Variants in WASF3 observed in about 807,000 individuals in gnomAD.
WASF3 encodes WASP family member 3, also known as actin-binding protein WASF3.
In WASF3, 11 loss-of-function variants were observed where a neutral mutation model predicts 46.6. The ratio of observed to expected loss-of-function variants is 0.24; its 90% CI spans 0.15 to 0.39. The LOEUF (loss-of-function observed/expected upper bound fraction) is 0.39, where lower values mean the gene tolerates loss of function less well. WASF3 is among the 10% of genes least tolerant of loss of function. WASF3 has a pLI of 1.00. For synonymous variants in WASF3, 242 were observed against 259.7 expected, an observed-to-expected ratio of 0.93 and a Z score of 0.65; for missense variants, 576 against 669.8, an observed-to-expected ratio of 0.86 and a Z score of 1.55.
chr13:26,584,491 C>T (rs540375689), intron 1 of WASF3, among the ~76,000 whole-genome samples: 56 of 152,238 alleles, frequency 3.7e-4, no homozygotes, highest in African/African-American at 1.3e-3. Flanking sequence ...TATTGGTAAA[C>T]GCACTGCACT....
chr13:26,650,627 A>G (rs941537303), intron 3 of WASF3, among the ~76,000 whole-genome samples: 4 of 152,228 alleles, frequency 2.6e-5, no homozygotes, highest in Non-Finnish European at 4.4e-5. Context: ...AGAAAAATAT[A>G]TTGAATGTAC....
intron 6 of WASF3, 24 bp from the exon 7 acceptor site, chr13:26,676,525 T>G (rs1376705593): frequency 1.9e-6 from 3 of 1,610,168 alleles, no homozygotes; most frequent in Non-Finnish European, 2.5e-6. Context: ...CTTGGCATGC[T>G]CTCTTTCCTT....
chr13:26,665,988 A>G (rs918872964), intron 4 of WASF3, among the ~76,000 whole-genome samples: 12 of 152,188 alleles, frequency 7.9e-5, no homozygotes, highest in African/African-American at 2.7e-4. Flanking sequence ...TGCTATATCT[A>G]TAGAGTAGTA....
At chr13:26,685,599 A>T in intron 9 of WASF3, 89 bp from the exon 10 acceptor site, 4 of 1,505,480 alleles carry the variant, frequency 2.7e-6, no homozygotes, top group Non-Finnish European at 3.6e-6. Flanking sequence ...GTCAGTAGAA[A>T]AAAAAGTCCA....
At chr13:26,653,530 C>G (rs1882378908) in intron 3 of WASF3, among the ~76,000 whole-genome samples, 1 of 152,196 alleles carries the variant, frequency 6.6e-6, no homozygotes, top group South Asian at 2.1e-4. Flanking sequence ...CCAGGATCAG[C>G]CTTCTTACTT....
Position 26,557,747 on chromosome 13 carries a change from CG to C in WASF3, c.-178del. On this transcript the variant is annotated 5_prime_UTR_variant, in exon 1 of 10. Coordinates refer to ENST00000335327, the MANE Select transcript of WASF3 (RefSeq NM_006646.6). The stretch of plus-strand genomic sequence containing the variant: ...GCGGTGTGGTGCGAGGCGGGTGCGC[CG>C]GGCGGCCGCGGCGCGGCGGGACCAT... 1 of 222,526 alleles carries C rather than the reference CG, an allele frequency of 4.5e-6. No individual in the cohort carries two copies. The highest frequency in any genetic ancestry group is 8.6e-6 in the Non-Finnish European group (1 of 115,714). The allele number at this position is 222,526 out of a possible 1,614,324, so 13.8% of individuals were successfully genotyped here. A position where few individuals can be genotyped will look rare whatever the true frequency, so the allele number is the denominator to read the frequency against.
chr13:26,675,823 CAA>C (rs949608242), intron 6 of WASF3, among the ~76,000 whole-genome samples: 3 of 152,140 alleles, frequency 2.0e-5, no homozygotes, highest in Non-Finnish European at 2.9e-5. Context: ...TACCATAAGA[CAA>C]GAGGGAAACG....
At chr13:26,646,563 C>T (rs1357419090) in intron 3 of WASF3, among the ~76,000 whole-genome samples, 1 of 152,176 alleles carries the variant, frequency 6.6e-6, no homozygotes, top group African/African-American at 2.4e-5. Flanking sequence ...CTCCACTCCC[C>T]ACAGCAGAAA....
chr13:26,598,435 C>G (rs2137196946), intron 1 of WASF3, among the ~76,000 whole-genome samples: 1 of 152,248 alleles, frequency 6.6e-6, no homozygotes, highest in Middle Eastern at 3.4e-3. Flanking sequence ...ATGGTAGTTC[C>G]TTTTGCTGTG....
intron 2 of WASF3, among the ~76,000 whole-genome samples, chr13:26,632,471 C>T (rs922818577): frequency 2.6e-5 from 4 of 152,142 alleles, no homozygotes; most frequent in African/African-American, 9.7e-5. Context: ...TGATGGATTA[C>T]GTTTATTGAT....
At chr13:26,662,750 A>G (rs9512316) in intron 3 of WASF3, among the ~76,000 whole-genome samples, 149,256 of 152,288 alleles carry the variant, frequency 0.98, 73,210 homozygotes, top group East Asian at 1. Flanking sequence ...CAGTCACTCA[A>G]TATACCCATG....
chr13:26,660,026 A>G (rs751914142), intron 3 of WASF3, among the ~76,000 whole-genome samples: 8 of 152,122 alleles, frequency 5.3e-5, no homozygotes, highest in Non-Finnish European at 7.3e-5. Context: ...GTTTACAGCC[A>G]TTAGACCGGA....
intron 2 of WASF3, among the ~76,000 whole-genome samples, chr13:26,614,730 C>T (rs2137228880): frequency 6.6e-6 from 1 of 152,158 alleles, no homozygotes; most frequent in African/African-American, 2.4e-5. Context: ...TATTTGTGTT[C>T]CACTTTATAG....
At position 26,563,218 on chromosome 13, in the gene WASF3, A is replaced by G. The variant is rs554817120; in HGVS notation, c.-109+5399A>G. On this transcript the variant is annotated intron_variant, in intron 1 of 9. Transcript: ENST00000335327. Reference sequence around the variant, plus strand: ...TCAGATCCTATCCGCCTATCTTCATAGATGTTTTTATTTTTATTTTTTGTA... The same window carrying G: ...TCAGATCCTATCCGCCTATCTTCATGGATGTTTTTATTTTTATTTTTTGTA... Among the ~76,000 whole-genome samples, 16 of 151,946 alleles carry G rather than the reference A, an allele frequency of 1.1e-4. No homozygotes were observed. The South Asian group carries it at 3.3e-3, about 32-fold the overall frequency.
At chr13:26,598,694 T>G (rs191040838) in intron 1 of WASF3, among the ~76,000 whole-genome samples, 67 of 152,284 alleles carry the variant, frequency 4.4e-4, no homozygotes, top group African/African-American at 1.6e-3. Flanking sequence ...AGTAAGATCT[T>G]GGAGATCTCT....
Position 26,682,540 on chromosome 13 carries a change from C to G in WASF3, c.984-67C>G, listed in dbSNP as rs1302873864. The G allele has an allele frequency of 3.1e-6, 5 of 1,601,834 alleles. No homozygotes were observed. Among genetic ancestry groups the G allele is most frequent in the Non-Finnish European group, 4.3e-6 (5 of 1,173,996 alleles). On this transcript the variant is annotated intron_variant, in intron 8 of 9. Coordinates refer to ENST00000335327, the MANE Select transcript of WASF3 (RefSeq NM_006646.6). This position sits in a 1 kb window ranked among gnomAD's most constrained non-coding sequence, Gnocchi z 4.4. ...GTCTGGGGATGGCTCCGTTAGGTGT[C>G]TAAGAGCTCCCAGGACGTGACCCTC...
chr13:26,656,425 G>C (rs2137443973), intron 3 of WASF3, among the ~76,000 whole-genome samples: 1 of 151,790 alleles, frequency 6.6e-6, no homozygotes, highest in South Asian at 2.1e-4. Context: ...TTTATCAGTG[G>C]CTAAGGCCAA....
At chr13:26,540,292 G>A in the WASF3 span, among the ~76,000 whole-genome samples, 1 of 152,170 alleles carries the variant, frequency 6.6e-6, no homozygotes, top group Non-Finnish European at 1.5e-5. Context: ...ATCTGCCCAG[G>A]AAGTATAGCA....
intron 1 of WASF3, among the ~76,000 whole-genome samples, chr13:26,573,361 GT>G (rs200670395): frequency 6.6e-6 from 1 of 151,432 alleles, no homozygotes; most frequent in South Asian, 2.1e-4. Flanking sequence ...CTTTATTTCA[GT>G]TTTTTTTGAG....
Sources: gnomAD v4.1 joint callset for allele counts (sites outside exome capture counted in the v4.1 genomes callset) on GRCh38, gnomAD v4.1.1 for gene constraint, Gnocchi (gnomAD v3.1) non-coding constraint, MANE v1.5 for transcripts, NCBI Gene and HGNC (gene_info 2026-07-23, HGNC 2026-07-21) for gene names.